Variants in PPIL6 observed in about 807,000 individuals in gnomAD.
PPIL6 encodes the protein probable inactive peptidyl-prolyl cis-trans isomerase-like 6.
Under a neutral mutation model 36.8 loss-of-function variants are expected in PPIL6, and 39 were observed. The observed-to-expected ratio is 1.06, with a 90% CI of 0.82 to 1.38. The LOEUF (loss-of-function observed/expected upper bound fraction) is 1.38, where lower values mean the gene tolerates loss of function less well. Among genes scored for constraint, PPIL6 ranks in the 40% most tolerant of loss-of-function variants. The probability of loss-of-function intolerance (pLI) is 0.00; values close to 1 mark genes in which losing one functional copy is unlikely to be tolerated. For synonymous variants in PPIL6, 123 were observed against 134.1 expected (o/e 0.92, Z 0.57); for missense variants, 368 against 379.1 (o/e 0.97, Z 0.24).
chr6:109,390,681 T>A lies in PPIL6; in HGVS notation c.*2145A>T, dbSNP rs1016799194. ...GGTGCTGGAAAGGTTCTATATTTTC[T>A]CTATAGTGTTGGTTACATGAATATA... On this transcript the variant is annotated 3_prime_UTR_variant, in exon 8 of 8. Coordinates refer to ENST00000521072, the MANE Select transcript of PPIL6 (RefSeq NM_173672.5). 2 of 152,150 alleles carry A rather than the reference T, an allele frequency of 1.3e-5. No homozygotes were observed. Among genetic ancestry groups the A allele is most frequent in the African/African-American group, 4.8e-5 (2 of 41,408 alleles). The allele number at this position is 152,150 out of a possible 1,614,324, so 9.4% of individuals were successfully genotyped here.
intron 6 of PPIL6, chr6:109,403,068 C>T (rs967476798): frequency 2.0e-6 from 3 of 1,532,384 alleles, no homozygotes; most frequent in Admixed American, 2.0e-5. Context: ...CTCTGCTTTC[C>T]TTCTGCCTCT....
intron 2 of PPIL6, among the ~76,000 whole-genome samples, chr6:109,432,641 T>C (rs1268219331): frequency 6.6e-6 from 1 of 152,156 alleles, no homozygotes; most frequent in African/African-American, 2.4e-5. Flanking sequence ...TTTATTTGTT[T>C]TTTGGAGATG....
At position 109,391,299 on chromosome 6, in the gene PPIL6, A is replaced by G. The variant is rs1258793388; in HGVS notation, c.*1527T>C. 1.5e-5 allele frequency: 2 copies of G among 130,586 alleles called. No individual in the cohort carries two copies. The highest frequency in any genetic ancestry group is 3.0e-5 in the Non-Finnish European group (2 of 66,936). The allele number at this position is 130,586 out of a possible 1,614,324, so 8.1% of individuals were successfully genotyped here. A position where few individuals can be genotyped will look rare whatever the true frequency, so the allele number is the denominator to read the frequency against. On this transcript the variant is annotated 3_prime_UTR_variant, in exon 8 of 8. Coordinates refer to ENST00000521072, the MANE Select transcript of PPIL6 (RefSeq NM_173672.5). Reference sequence around the variant, plus strand: ...TGAGATTCCGTCTCAAAAAAAAAAAAAAAAAAAAAAAAAAAAAGAAAAGCA... The same window carrying G: ...TGAGATTCCGTCTCAAAAAAAAAAAGAAAAAAAAAAAAAAAAAGAAAAGCA...
chr6:109,410,383 A>G (rs1162330519), intron 6 of PPIL6, among the ~76,000 whole-genome samples: 1 of 152,074 alleles, frequency 6.6e-6, no homozygotes, highest in East Asian at 1.9e-4. Flanking sequence ...CAACTCTATA[A>G]TAAATATTTC....
intron 5 of PPIL6, among the ~76,000 whole-genome samples, chr6:109,424,783 G>A (rs538715773): frequency 3.3e-5 from 5 of 152,158 alleles, no homozygotes; most frequent in Non-Finnish European, 5.9e-5. Context: ...TCCCATTAGC[G>A]CCATGACAGT....
chr6:109,402,766 A>G (rs1317353190), intron 6 of PPIL6, among the ~76,000 whole-genome samples: 2 of 152,170 alleles, frequency 1.3e-5, no homozygotes, highest in Non-Finnish European at 2.9e-5. Flanking sequence ...CAGAATGTGT[A>G]TGTGAATCTT....
intron 7 of PPIL6, among the ~76,000 whole-genome samples, chr6:109,399,389 G>A (rs995158382): frequency 2.0e-5 from 3 of 149,872 alleles, no homozygotes; most frequent in Admixed American, 6.7e-5. Context: ...GATTACAGGT[G>A]TGAGCCACTG....
Position 109,416,641 on chromosome 6 carries a change from G to T in PPIL6, c.688+2546C>A, listed in dbSNP as rs1030094168. On this transcript the variant is annotated intron_variant, in intron 6 of 7. Coordinates refer to ENST00000521072, the MANE Select transcript of PPIL6 (RefSeq NM_173672.5). Reference sequence around the variant, plus strand: ...ATCTTCTGCCTCTTGGTCAGAAGAAGCTGCTTCTCCTGTTATCTGGACATT... The same window carrying T: ...ATCTTCTGCCTCTTGGTCAGAAGAATCTGCTTCTCCTGTTATCTGGACATT... 8.6e-5 allele frequency among the ~76,000 whole-genome samples: 13 copies of T among 151,934 alleles called. No homozygotes were observed. In the East Asian group the frequency reaches 2.5e-3, roughly 29 times the overall value.
chr6:109,440,561 CG>C lies in PPIL6; in HGVS notation c.29del (p.Pro10ArgfsTer17), dbSNP rs903987348. On this transcript the variant is annotated frameshift_variant, in exon 1 of 8. Coordinates refer to ENST00000521072, the MANE Select transcript of PPIL6 (RefSeq NM_173672.5). LOFTEE classifies it high-confidence loss of function. Reference protein sequence around the residue: MARPQPCGPPHARCGSPSLP... With the variant: MARPQPCGPXHARCGSPSLP... The stretch of plus-strand genomic sequence containing the variant: ...GCGACGGCGAGCCGCACCTAGCGTG[CG>C]GGGGCCCGCACGGCTGCGGCCTTGC... 3 of 1,460,564 alleles carry C rather than the reference CG, an allele frequency of 2.1e-6. No homozygotes were observed. The highest frequency in any genetic ancestry group is 1.3e-5 in the South Asian group (1 of 74,728). 90.5% of individuals were successfully genotyped at this position (1,460,564 alleles called of 1,614,324 possible). A position where few individuals can be genotyped will look rare whatever the true frequency, so the allele number is the denominator to read the frequency against.
At chr6:109,441,042 G>GCGCCGCCGGC (rs1423355799), upstream of PPIL6, 3 of 1,455,274 alleles carry the variant, frequency 2.1e-6, no homozygotes, top group Admixed American at 1.7e-5. Flanking sequence ...TGGGGAGAAG[G>GCGCCGCCGGC]CGCCGCCGGC....
chr6:109,433,107 A>C (rs1483121786), intron 2 of PPIL6, among the ~76,000 whole-genome samples: 1 of 148,574 alleles, frequency 6.7e-6, no homozygotes, highest in Non-Finnish European at 1.5e-5. Context: ...CCCAGGCTGG[A>C]GTGCAATGGT....
intron 7 of PPIL6, among the ~76,000 whole-genome samples, chr6:109,394,880 G>A (rs771148486): frequency 6.6e-6 from 1 of 152,192 alleles, no homozygotes; most frequent in Non-Finnish European, 1.5e-5. Flanking sequence ...TTCCAGCTCT[G>A]ACTCAGCTTG....
intron 2 of PPIL6, 82 bp from the exon 3 acceptor site, chr6:109,431,427 ATCAACTCTAGGTCTGAATTTG>A (rs1387824588): frequency 6.1e-6 from 6 of 990,488 alleles, no homozygotes; most frequent in Non-Finnish European, 8.8e-6. Context: ...AGAGCTTAGG[ATCAACTCTAGGTCTGAATTTG>A]TCAACTCTAG....
chr6:109,401,870 C>CCCA (rs1465127306), intron 6 of PPIL6, among the ~76,000 whole-genome samples: 1 of 151,934 alleles, frequency 6.6e-6, no homozygotes. Flanking sequence ...ACTACAAGCG[C>CCCA]CCACCACCAC....
At position 109,392,711 on chromosome 6, in the gene PPIL6, A is replaced by G; in HGVS notation, c.*115T>C. The G allele has an allele frequency of 3.2e-6, 2 of 634,494 alleles. No individual in the cohort carries two copies. The highest frequency in any genetic ancestry group is 2.1e-5 in the South Asian group (1 of 47,850). 39.3% of individuals were successfully genotyped at this position (634,494 alleles called of 1,614,324 possible). ...GGATTGGGTGTAGATGAGGCAACCT[A>G]CAGTGTCTGCCACGGCTTTCAAATT... On this transcript the variant is annotated 3_prime_UTR_variant, in exon 8 of 8. Transcript: ENST00000521072.
chr6:109,412,858 AAAC>A (rs921697991), intron 6 of PPIL6, among the ~76,000 whole-genome samples: 1 of 152,200 alleles, frequency 6.6e-6, no homozygotes, highest in Non-Finnish European at 1.5e-5. Context: ...ACAACAAAGG[AAAC>A]AACAAAGTGA....
At chr6:109,402,003 G>A (rs530062273) in intron 6 of PPIL6, among the ~76,000 whole-genome samples, 8 of 152,188 alleles carry the variant, frequency 5.3e-5, no homozygotes, top group South Asian at 2.1e-4. Context: ...GATTACAGGC[G>A]TGAGCCACCG....
At chr6:109,440,865 C>T (rs936687711), upstream of PPIL6, 9 of 531,502 alleles carry the variant, frequency 1.7e-5, no homozygotes, top group African/African-American at 2.0e-5. Flanking sequence ...CGGCCCTTAC[C>T]GAGCCTGGGC....
chr6:109,401,969 C>T (rs1397282636), intron 6 of PPIL6, among the ~76,000 whole-genome samples: 6 of 152,008 alleles, frequency 3.9e-5, no homozygotes, highest in South Asian at 2.1e-4. Flanking sequence ...GTGATCTACC[C>T]GCCTCGGCCT....
Sources: gnomAD v4.1 joint callset for allele counts (sites outside exome capture counted in the v4.1 genomes callset) on GRCh38, gnomAD v4.1.1 for gene constraint, MANE v1.5 for transcripts, NCBI Gene and HGNC (gene_info 2026-07-23, HGNC 2026-07-21) for gene names.